The following UBR3 variants were observed in gnomAD, a reference collection of about 807,000 sequenced individuals.
UBR3 encodes the protein E3 ubiquitin-protein ligase UBR3.
A neutral mutation model predicts 243.2 loss-of-function variants in UBR3; 85 were observed. The ratio of observed to expected loss-of-function variants is 0.35; its 90% CI spans 0.29 to 0.42. The LOEUF is 0.42. Among genes scored for constraint, UBR3 ranks in the 10% least tolerant of loss-of-function variants. The pLI, the probability that UBR3 is intolerant of heterozygous loss-of-function variation, is 1.00. For missense variants in UBR3, 1,686 were observed against 2,300.8 expected, an observed-to-expected ratio of 0.73 and a Z score of 5.47; for synonymous variants, 748 against 799.8, an observed-to-expected ratio of 0.94 and a Z score of 1.09.
intron 8 of UBR3, among the ~76,000 whole-genome samples, chr2:169,899,776 T>G (rs1337693343): frequency 6.6e-6 from 1 of 152,184 alleles, no homozygotes; most frequent in Non-Finnish European, 1.5e-5. Context: ...TTGTGATAGT[T>G]TGCTGAGAAT....
rs2083883172 is a variant in UBR3 at position 169,882,000 on chromosome 2, TATA to T, written c.1038+3430_1038+3432del. 4.0e-5 allele frequency among the ~76,000 whole-genome samples: 5 copies of T among 125,272 alleles called. No individual in the cohort carries two copies. The South Asian group carries it at 1.2e-3, about 29-fold the overall frequency. The allele number at this position is 125,272 out of a possible 152,430, so 82.2% of individuals were successfully genotyped here. On this transcript the variant is annotated intron_variant, in intron 5 of 38. Transcript: ENST00000272793. Reference sequence around the variant, plus strand: ...TATTATATATGTATATGTATATTTATATAATATATAATATGTATTATATATTAT... The same window carrying T: ...TATTATATATGTATATGTATATTTATATATATAATATGTATTATATATTAT...
chr2:169,890,165 T>C (rs931064348), intron 5 of UBR3, among the ~76,000 whole-genome samples: 1 of 152,088 alleles, frequency 6.6e-6, no homozygotes, highest in Admixed American at 6.5e-5. Flanking sequence ...AGCAGGAACC[T>C]TTTCAGCACC....
At chr2:169,950,421 CAAAAT>C (rs1355545044) in intron 23 of UBR3, among the ~76,000 whole-genome samples, 1 of 151,912 alleles carries the variant, frequency 6.6e-6, no homozygotes, top group Non-Finnish European at 1.5e-5. Context: ...AAATATTTCT[CAAAAT>C]AAAAATCCAA....
intron 32 of UBR3, among the ~76,000 whole-genome samples, chr2:170,043,968 TATTA>T (rs2091025438): frequency 6.6e-6 from 1 of 152,214 alleles, no homozygotes; most frequent in African/African-American, 2.4e-5. Flanking sequence ...TGCCATTCCT[TATTA>T]ATTTTTTTAG....
rs368238917 is a variant in UBR3, at chr2:169,986,682, G to A, written c.3672G>A (p.Thr1224=). 12 of 1,613,396 alleles carry A rather than the reference G, an allele frequency of 7.4e-6. No homozygotes were observed. In the African/African-American group the frequency reaches 8.0e-5, roughly 11 times the overall value. The part of the protein sequence containing the change: ...PENDIPMEIT[T]AEPQVSEAVY... ...ATGATATTCCTATGGAGATCACCACGGCAGAACCACAGGTTTCCGAGGCAG... is the reference window on the plus strand; with the variant it reads ...ATGATATTCCTATGGAGATCACCACAGCAGAACCACAGGTTTCCGAGGCAG... Residue 1224 remains threonine, a synonymous_variant, in exon 25 of 39, where the codon ACG becomes ACA. Coordinates refer to ENST00000272793, the MANE Select transcript of UBR3 (RefSeq NM_172070.4).
chr2:170,080,865 A>G (rs1378582481), intron 38 of UBR3, among the ~76,000 whole-genome samples, 181 bp downstream of exon 38: 2 of 152,172 alleles, frequency 1.3e-5, no homozygotes, highest in Non-Finnish European at 2.9e-5. Flanking sequence ...GGAAACATGA[A>G]ATACACCAAA....
At chr2:169,947,911 C>T (rs975465453) in intron 22 of UBR3, 196 bp downstream of exon 22, 45 of 984,970 alleles carry the variant, frequency 4.6e-5, no homozygotes, top group Admixed American at 1.2e-4. Context: ...CCAGAGTTCA[C>T]GACGGCCTAA....
intron 5 of UBR3, 109 bp downstream of exon 5, chr2:169,878,683 C>T (rs923951031): frequency 9.8e-7 from 1 of 1,015,482 alleles, no homozygotes. Flanking sequence ...GATTTGTAGG[C>T]ATTATGTAGT....
At chr2:170,012,258 A>G (rs1198006551) in intron 29 of UBR3, among the ~76,000 whole-genome samples, 1 of 152,156 alleles carries the variant, frequency 6.6e-6, no homozygotes, top group East Asian at 1.9e-4. Context: ...GGTTTAAGGG[A>G]ATGGAAGAGT....
chr2:169,907,632 ATCTCCCTCTCCTTTACT>A, intron 10 of UBR3, among the ~76,000 whole-genome samples: 1 of 152,032 alleles, frequency 6.6e-6, no homozygotes, highest in African/African-American at 2.4e-5. Context: ...AGCTCTATAT[ATCTCCCTCTCCTTTACT>A]TAAAAATCAT....
intron 31 of UBR3, among the ~76,000 whole-genome samples, chr2:170,033,721 C>T (rs2090746761): frequency 6.6e-6 from 1 of 151,226 alleles, no homozygotes; most frequent in Admixed American, 6.6e-5. Context: ...TAGTTCCTCA[C>T]CTCAACACTC....
intron 1 of UBR3, among the ~76,000 whole-genome samples, chr2:169,855,995 TG>T (rs1036888328): frequency 4.3e-5 from 6 of 140,654 alleles, no homozygotes; most frequent in East Asian, 4.6e-4. Flanking sequence ...ACCTCCCAGA[TG>T]GGGGGGCTGC....
chr2:169,875,383 A>G (rs2083568780), intron 2 of UBR3, among the ~76,000 whole-genome samples: 1 of 152,056 alleles, frequency 6.6e-6, no homozygotes, highest in African/African-American at 2.4e-5. Flanking sequence ...AGGCTGGAGT[A>G]CAGTGGCATG....
At chr2:169,831,129 T>TATATATATATA (rs2081925483) in intron 1 of UBR3, among the ~76,000 whole-genome samples, 3 of 23,780 alleles carry the variant, frequency 1.3e-4, no homozygotes, top group East Asian at 1.7e-3. Flanking sequence ...ATATATATAT[T>TATATATATATA]TTTTTTTTTT....
chr2:169,891,856 T>G (rs1039204015), intron 6 of UBR3, among the ~76,000 whole-genome samples: 10 of 152,184 alleles, frequency 6.6e-5, no homozygotes, highest in Admixed American at 6.5e-4. Context: ...GAGCCTAAGC[T>G]TTTAACCACA....
At chr2:169,876,035 T>A in intron 3 of UBR3, 86 bp downstream of exon 3, 2 of 1,173,224 alleles carry the variant, frequency 1.7e-6, no homozygotes, top group Non-Finnish European at 2.2e-6. Flanking sequence ...TAAAGGTAAA[T>A]TGTAGAATTT....
chr2:169,968,987 T>TACA (rs2087957054), intron 24 of UBR3, among the ~76,000 whole-genome samples: 2 of 152,190 alleles, frequency 1.3e-5, no homozygotes, highest in Admixed American at 6.6e-5. Flanking sequence ...TGGCCATTTG[T>TACA]ATGTCTTTTT....
intron 2 of UBR3, among the ~76,000 whole-genome samples, chr2:169,874,128 A>C (rs1052731810): frequency 4.6e-5 from 7 of 151,570 alleles, no homozygotes; most frequent in African/African-American, 1.5e-4. Flanking sequence ...TTATATTACT[A>C]CTTCTGTTCA....
intron 8 of UBR3, among the ~76,000 whole-genome samples, chr2:169,898,087 G>A (rs1236608248): frequency 6.6e-6 from 1 of 152,168 alleles, no homozygotes; most frequent in Non-Finnish European, 1.5e-5. Flanking sequence ...TTGATAGGAT[G>A]TGTCTTTACT....
Sources: gnomAD v4.1 joint callset for allele counts (sites outside exome capture counted in the v4.1 genomes callset) on GRCh38, gnomAD v4.1.1 for gene constraint, MANE v1.5 for transcripts, NCBI Gene and HGNC (gene_info 2026-07-23, HGNC 2026-07-21) for gene names.